Variants in MACROD2 observed in about 807,000 individuals in gnomAD.
MACROD2 encodes ADP-ribose glycohydrolase MACROD2.
Under a neutral mutation model 70.4 loss-of-function variants are expected in MACROD2, and 36 were observed. The ratio of observed to expected loss-of-function variants is 0.51; its 90% CI spans 0.39 to 0.68. The LOEUF (loss-of-function observed/expected upper bound fraction) is 0.68, where lower values mean the gene tolerates loss of function less well. MACROD2 is among the 30% of genes least tolerant of loss of function. The pLI is 0.00. For missense variants in MACROD2, 496 were observed against 538.4 expected (o/e 0.92, Z 0.78); for synonymous variants, 172 against 178.8 (o/e 0.96, Z 0.30).
intron 7 of MACROD2, among the ~76,000 whole-genome samples, chr20:15,449,473 A>G (rs1475021206): frequency 1.3e-5 from 2 of 152,130 alleles, no homozygotes; most frequent in African/African-American, 4.8e-5. Flanking sequence ...AATGGTAAAA[A>G]TCTCTTCCCA....
At chr20:15,573,609 G>A (rs1694158138) in intron 8 of MACROD2, among the ~76,000 whole-genome samples, 1 of 152,110 alleles carries the variant, frequency 6.6e-6, no homozygotes, top group South Asian at 2.1e-4. Context: ...TATTGAAGAA[G>A]CCTTATCTGC....
chr20:15,317,339 C>T (rs768795198), intron 6 of MACROD2, among the ~76,000 whole-genome samples: 8 of 151,980 alleles, frequency 5.3e-5, no homozygotes, highest in South Asian at 2.1e-4. Flanking sequence ...AGAGAATATT[C>T]GAACTATTAC....
At chr20:14,846,370 C>A (rs1568829880) in intron 5 of MACROD2, among the ~76,000 whole-genome samples, 1 of 152,018 alleles carries the variant, frequency 6.6e-6, no homozygotes, top group Non-Finnish European at 1.5e-5. Context: ...GTTACAGGCG[C>A]ACGCCACCAT....
rs1822909089 is a variant in MACROD2, at chr20:14,961,908, AT to A, written c.419-268030del. On this transcript the variant is annotated intron_variant, in intron 5 of 17. Coordinates refer to ENST00000684519, the MANE Select transcript of MACROD2 (RefSeq NM_001351661.2). Reference sequence around the variant, plus strand: ...ATATGACAATTATCAAGAACAAGAAATTAACAATTATACAATATCAATAACT... The same window carrying A: ...ATATGACAATTATCAAGAACAAGAAATAACAATTATACAATATCAATAACT... Among the ~76,000 whole-genome samples, 3 of 152,230 alleles carry A rather than the reference AT, an allele frequency of 2.0e-5. No individual in the cohort carries two copies. In the South Asian group the frequency reaches 6.2e-4, roughly 32 times the overall value.
chr20:15,750,106 A>G (rs1187532284), intron 8 of MACROD2, among the ~76,000 whole-genome samples: 1 of 152,114 alleles, frequency 6.6e-6, no homozygotes, highest in Non-Finnish European at 1.5e-5. Context: ...ACATCTGACA[A>G]GGAGCTGATA....
Position 14,403,012 on chromosome 20 carries a change from A to G in MACROD2, c.272-90467A>G, listed in dbSNP as rs2083654833. On this transcript the variant is annotated intron_variant, in intron 3 of 17. Coordinates refer to ENST00000684519, the MANE Select transcript of MACROD2 (RefSeq NM_001351661.2). Reference sequence around the variant, plus strand: ...AAACACTTCAAAATCTAGAACTCATATTTCATTAACAAAGATATTATTTCC... The same window carrying G: ...AAACACTTCAAAATCTAGAACTCATGTTTCATTAACAAAGATATTATTTCC... Among the ~76,000 whole-genome samples, 3 of 152,152 alleles carry G rather than the reference A, an allele frequency of 2.0e-5. No homozygotes were observed. The South Asian group carries it at 6.2e-4, about 32-fold the overall frequency.
At chr20:15,187,156 G>A (rs1361242475) in intron 5 of MACROD2, among the ~76,000 whole-genome samples, 8 of 152,142 alleles carry the variant, frequency 5.3e-5, no homozygotes, top group Non-Finnish European at 1.2e-4. Context: ...AGGCTGCTTT[G>A]GAGTCCAGTG....
At chr20:14,512,325 C>T (rs1054641905) in intron 4 of MACROD2, among the ~76,000 whole-genome samples, 3 of 47,354 alleles carry the variant, frequency 6.3e-5, no homozygotes, top group Admixed American at 3.0e-4. Flanking sequence ...GCATTGAATT[C>T]GTAGTATGGG....
At chr20:15,644,993 T>A (rs547134281) in intron 8 of MACROD2, among the ~76,000 whole-genome samples, 1 of 152,290 alleles carries the variant, frequency 6.6e-6, no homozygotes, top group Non-Finnish European at 1.5e-5. Context: ...CCAGCCTAAG[T>A]AATTTTTTTC....
intron 3 of MACROD2, among the ~76,000 whole-genome samples, chr20:14,363,806 G>T (rs2083246512): frequency 8.8e-6 from 1 of 113,178 alleles, no homozygotes; most frequent in Admixed American, 1.3e-4. Context: ...GACAGAGCCA[G>T]ACTCTGTCTC....
At chr20:14,816,113 G>A (rs1016081880) in intron 5 of MACROD2, among the ~76,000 whole-genome samples, 2 of 151,960 alleles carry the variant, frequency 1.3e-5, no homozygotes, top group African/African-American at 2.4e-5. Flanking sequence ...TGAGCAATAC[G>A]CCCTCAGTTT....
intron 5 of MACROD2, among the ~76,000 whole-genome samples, chr20:14,841,261 G>C (rs6079577): frequency 0.31 from 47,083 of 151,884 alleles, 8,678 homozygotes; most frequent in Non-Finnish European, 0.41. Flanking sequence ...GCATTCCTCT[G>C]AGAGTTTCTC....
At chr20:14,647,895 A>G (rs552204568) in intron 4 of MACROD2, among the ~76,000 whole-genome samples, 2 of 152,082 alleles carry the variant, frequency 1.3e-5, no homozygotes, top group Non-Finnish European at 2.9e-5. Context: ...GGGCAACACC[A>G]TATTTTTCTC....
At position 15,819,426 on chromosome 20, in the gene MACROD2, A is replaced by G. The variant is rs145943782; in HGVS notation, c.646-43319A>G. Among the ~76,000 whole-genome samples the G allele has an allele frequency of 2.7e-3, 389 of 142,712 alleles. 1 individual carries two copies. The highest frequency in any genetic ancestry group is 4.5e-3 in the Admixed American group (63 of 14,000). 93.6% of individuals were successfully genotyped at this position (142,712 alleles called of 152,430 possible). A position where few individuals can be genotyped will look rare whatever the true frequency, so the allele number is the denominator to read the frequency against. ...ATTTATATATATTTATATAAATATA[A>G]ATAAGTATATAATTATATAAATATA... is the stretch of plus-strand genomic sequence containing the variant. On this transcript the variant is annotated intron_variant, in intron 8 of 17. Coordinates refer to ENST00000684519, the MANE Select transcript of MACROD2 (RefSeq NM_001351661.2).
intron 8 of MACROD2, among the ~76,000 whole-genome samples, chr20:15,823,669 C>T (rs2063966006): frequency 6.6e-6 from 1 of 152,176 alleles, no homozygotes; most frequent in Admixed American, 6.5e-5. Context: ...ATTGGACTTG[C>T]ATCTTCAGTA....
chr20:14,862,675 AT>A (rs1428464216), intron 5 of MACROD2, among the ~76,000 whole-genome samples: 3 of 73,480 alleles, frequency 4.1e-5, no homozygotes, highest in African/African-American at 1.6e-4. Context: ...ATAAATATAT[AT>A]AAATATATAT....
At chr20:14,277,569 A>C (rs1177512519) in intron 3 of MACROD2, among the ~76,000 whole-genome samples, 1 of 152,220 alleles carries the variant, frequency 6.6e-6, no homozygotes, top group Non-Finnish European at 1.5e-5. Flanking sequence ...TGTTTTGATT[A>C]ACTAATGAAA....
chr20:14,539,586 T>C (rs1455762825), intron 4 of MACROD2, among the ~76,000 whole-genome samples: 1 of 119,252 alleles, frequency 8.4e-6, no homozygotes, highest in Non-Finnish European at 2.1e-5. Context: ...CTCATGCCAC[T>C]AAGATATTTT....
chr20:16,001,536 T>C (rs540915542), intron 15 of MACROD2, among the ~76,000 whole-genome samples: 10 of 152,252 alleles, frequency 6.6e-5, no homozygotes, highest in Non-Finnish European at 1.3e-4. Flanking sequence ...TTACATTTTT[T>C]ACATAGAAGC....
Sources: gnomAD v4.1 joint callset for allele counts (sites outside exome capture counted in the v4.1 genomes callset) on GRCh38, gnomAD v4.1.1 for gene constraint, MANE v1.5 for transcripts, NCBI Gene and HGNC (gene_info 2026-07-23, HGNC 2026-07-21) for gene names.